The following CEP192 variants were observed in gnomAD, a reference collection of about 807,000 sequenced individuals.
CEP192 encodes the protein centrosomal protein 192, also known as centrosomal protein of 192 kDa.
Under a neutral mutation model 271.8 loss-of-function variants are expected in CEP192, and 151 were observed. That is an observed-to-expected ratio of 0.56 (90% CI 0.49 to 0.64). The LOEUF is 0.64. CEP192 is among the 30% of genes least tolerant of loss of function. The pLI is 0.00. For missense variants in CEP192, 2,910 were observed against 3,020.5 expected, an observed-to-expected ratio of 0.96 and a Z score of 0.86; for synonymous variants, 995 against 1,076.5, an observed-to-expected ratio of 0.92 and a Z score of 1.48.
chr18:13,077,583 C>G (rs191520686), intron 30 of CEP192, among the ~76,000 whole-genome samples: 1 of 152,288 alleles, frequency 6.6e-6, no homozygotes, highest in Admixed American at 6.5e-5. Flanking sequence ...TTGCTTCCTG[C>G]AAGGGTTGAG....
rs932134478 is a variant in CEP192 at position 13,015,437 on chromosome 18, A to G, written c.629A>G (p.Glu210Gly). ...AAACTTATCTTACCGACAAGCTTGGAAGATTCTTCTGGTACTGCAGAGTAA... is the reference window on the plus strand; with the variant it reads ...AAACTTATCTTACCGACAAGCTTGGGAGATTCTTCTGGTACTGCAGAGTAA... ...NEKLILPTSL[E>G]DSSDDDIDDE... Residue 210 changes from glutamate (E) to glycine (G), a missense_variant, in exon 6 of 45, where the codon GAA (glutamate) becomes GGA (glycine). Glu to Gly is a moderately conservative substitution (Grantham distance 98, BLOSUM62 -2). Transcript: ENST00000506447. 4 of 1,551,368 alleles carry G rather than the reference A, an allele frequency of 2.6e-6. No homozygotes were observed. Among genetic ancestry groups the G allele is most frequent in the Non-Finnish European group, 3.5e-6 (4 of 1,146,786 alleles).
chr18:13,087,643 G>T lies in CEP192; in HGVS notation c.5990G>T (p.Arg1997Leu). 1 of 1,460,966 alleles carries T rather than the reference G, an allele frequency of 6.8e-7. No individual in the cohort carries two copies. The highest frequency in any genetic ancestry group is 1.3e-5 in the South Asian group (1 of 78,866). 90.5% of individuals were successfully genotyped at this position (1,460,966 alleles called of 1,614,324 possible). A position where few individuals can be genotyped will look rare whatever the true frequency, so the allele number is the denominator to read the frequency against. The stretch of plus-strand genomic sequence containing the variant: ...GATGAAATTTCAAGACAGCAGTATC[G>T]CAGGTAGATTACTTATCTTACACAA... ...GGDEISRQQYRRALLHKPEMI... is the reference protein window; with the variant it reads ...GGDEISRQQYLRALLHKPEMI... Residue 1997 changes from arginine (R) to leucine (L), a missense_variant, in exon 32 of 45, where the codon CGC becomes CTC. Physicochemically the swap from Arg to Leu is moderately radical, Grantham distance 102. Coordinates refer to ENST00000506447, the MANE Select transcript of CEP192 (RefSeq NM_032142.4).
chr18:13,004,708 T>C (rs1035719169), intron 3 of CEP192, among the ~76,000 whole-genome samples: 1 of 151,974 alleles, frequency 6.6e-6, no homozygotes, highest in Non-Finnish European at 1.5e-5. Flanking sequence ...ATGGACAGAG[T>C]TGAAATGTTA....
intron 3 of CEP192, among the ~76,000 whole-genome samples, chr18:13,005,208 C>T (rs2033908220): frequency 6.6e-6 from 1 of 152,148 alleles, no homozygotes; most frequent in East Asian, 1.9e-4. Flanking sequence ...GCAATGTCCT[C>T]ACAGGCTATT....
In CEP192 at chr18:13,056,242, C is replaced by T. The variant is rs1257069617; in HGVS notation, c.3652C>T (p.Gln1218Ter). 1 of 1,613,766 alleles carries T rather than the reference C, an allele frequency of 6.2e-7. No homozygotes were observed. The highest frequency in any genetic ancestry group is 1.1e-5 in the South Asian group (1 of 91,010). Reference sequence around the variant, plus strand: ...TGAGTTCAGTGGCCAGGTTTCTCATCAGACCACCTCTGAAAACCAGTGTAC... The same window carrying T: ...TGAGTTCAGTGGCCAGGTTTCTCATTAGACCACCTCTGAAAACCAGTGTAC... ...GREFSGQVSHQTTSENQCTPI... is the reference protein window; with the variant it reads ...GREFSGQVSH Residue 1218 changes from glutamine to a stop codon, truncating the protein, a stop_gained, in exon 19 of 45, where the codon CAG becomes TAG. Transcript: ENST00000506447. LOFTEE classifies it high-confidence loss of function.
intron 34 of CEP192, among the ~76,000 whole-genome samples, chr18:13,093,770 A>G (rs1045745491): frequency 1.3e-5 from 2 of 152,230 alleles, no homozygotes; most frequent in Non-Finnish European, 2.9e-5. Context: ...GCATCCCATA[A>G]AATCGGAAGC....
In CEP192 at chr18:13,056,664, T is replaced by C; in HGVS notation, c.4074T>C (p.Ile1358=). Residue 1358 remains isoleucine (I), a synonymous_variant, in exon 19 of 45, where the codon ATT becomes ATC. Coordinates refer to ENST00000506447, the MANE Select transcript of CEP192 (RefSeq NM_032142.4). Reference sequence around the variant, plus strand: ...CGTCTGTTGGTACAAACTGTGGAATTGAACCATGGGATTCAGGAGTGACAT... The same window carrying C: ...CGTCTGTTGGTACAAACTGTGGAATCGAACCATGGGATTCAGGAGTGACAT... ...PVPSVGTNCG[I]EPWDSGVTSG... The C allele has an allele frequency of 6.2e-7, 1 of 1,611,026 alleles. No homozygotes were observed. Among genetic ancestry groups the C allele is most frequent in the Admixed American group, 1.7e-5 (1 of 59,512 alleles).
chr18:13,034,940 C>G (rs758705152), intron 11 of CEP192, among the ~76,000 whole-genome samples: 1 of 151,856 alleles, frequency 6.6e-6, no homozygotes, highest in African/African-American at 2.4e-5. Flanking sequence ...CCTGAGAGTT[C>G]GACAGTGGGG....
chr18:13,024,744 AG>A (rs928789762), intron 9 of CEP192, among the ~76,000 whole-genome samples: 18 of 150,874 alleles, frequency 1.2e-4, no homozygotes, highest in African/African-American at 4.4e-4. Context: ...TACAGGCATG[AG>A]CCACCGTGCC....
At position 13,029,630 on chromosome 18, in the gene CEP192, C is replaced by T. The variant is rs752132874; in HGVS notation, c.1051-33C>T. On this transcript the variant is annotated intron_variant, in intron 9 of 44. Transcript: ENST00000506447. The stretch of plus-strand genomic sequence containing the variant: ...TTATAAAAAACAAGACTTACTGTTG[C>T]TCTGTTAAAAAATCTGATTTTTTGT... 38 of 1,290,952 alleles carry T rather than the reference C, an allele frequency of 2.9e-5. No individual in the cohort carries two copies. In the Admixed American group the frequency reaches 1.0e-3, roughly 35 times the overall value. 80.0% of individuals were successfully genotyped at this position (1,290,952 alleles called of 1,614,324 possible). A position where few individuals can be genotyped will look rare whatever the true frequency, so the allele number is the denominator to read the frequency against.
At chr18:13,024,379 G>T in intron 9 of CEP192, 2 of 454,504 alleles carry the variant, frequency 4.4e-6, no homozygotes, top group Non-Finnish European at 8.9e-6. Context: ...TCTACATGTT[G>T]GTTTCTTGTA....
At position 13,069,863 on chromosome 18, in the gene CEP192, T is replaced by G. The variant is rs780233417; in HGVS notation, c.5174+7T>G. ...CTGAAGCCTGCGAGGAAAGGTAATA[T>G]AAAAATGTTATAATGGACCGGGCAC... On this transcript the variant is annotated splice_region_variant and intron_variant, in intron 27 of 44. Coordinates refer to ENST00000506447, the MANE Select transcript of CEP192 (RefSeq NM_032142.4). The G allele has an allele frequency of 4.6e-6, 7 of 1,505,858 alleles. No homozygotes were observed. The East Asian group carries it at 1.6e-4, about 34-fold the overall frequency. 93.3% of individuals were successfully genotyped at this position (1,505,858 alleles called of 1,614,324 possible).
chr18:13,015,581 A>G (rs2034597591), intron 6 of CEP192, 133 bp downstream of exon 6: 3 of 725,506 alleles, frequency 4.1e-6, no homozygotes, highest in Non-Finnish European at 7.0e-6. Context: ...GCCAGCACTC[A>G]AATGGCCACT....
At chr18:12,998,830 G>A (rs373264009) in intron 1 of CEP192, among the ~76,000 whole-genome samples, 1 of 152,150 alleles carries the variant, frequency 6.6e-6, no homozygotes, top group East Asian at 1.9e-4. Flanking sequence ...TCTAGTAATA[G>A]CATAGGTTTT....
At chr18:13,110,457 C>T (rs1235769849) in intron 40 of CEP192, among the ~76,000 whole-genome samples, 1 of 150,662 alleles carries the variant, frequency 6.6e-6, no homozygotes, top group Non-Finnish European at 1.5e-5. Flanking sequence ...ATAAGGGCAC[C>T]AAGACAGTTC....
intron 17 of CEP192, among the ~76,000 whole-genome samples, chr18:13,051,138 A>G (rs536902071): frequency 6.6e-6 from 1 of 152,304 alleles, no homozygotes; most frequent in East Asian, 1.9e-4. Context: ...GCATTAGGGT[A>G]TATCTCTGTT....
chr18:13,052,882 T>C, intron 17 of CEP192, 37 bp from the exon 18 acceptor site: 1 of 1,378,538 alleles, frequency 7.3e-7, no homozygotes, highest in Non-Finnish European at 9.7e-7. Flanking sequence ...GTTGAAGGAC[T>C]GGAGAACTCC....
intron 3 of CEP192, among the ~76,000 whole-genome samples, chr18:13,007,186 T>C (rs1193073223): frequency 1.3e-5 from 2 of 152,210 alleles, no homozygotes; most frequent in African/African-American, 4.8e-5. Flanking sequence ...GGGGTAAGCG[T>C]GGGTTAGGAC....
At chr18:13,116,792 G>A (rs2040453338) in intron 43 of CEP192, among the ~76,000 whole-genome samples, 2 of 152,096 alleles carry the variant, frequency 1.3e-5, no homozygotes, top group Non-Finnish European at 2.9e-5. Flanking sequence ...TGTATTTTTA[G>A]TAGAGACGGG....
Sources: gnomAD v4.1 joint callset for allele counts (sites outside exome capture counted in the v4.1 genomes callset) on GRCh38, gnomAD v4.1.1 for gene constraint, MANE v1.5 for transcripts, NCBI Gene and HGNC (gene_info 2026-07-23, HGNC 2026-07-21) for gene names.